The following KIF14 variants were observed in gnomAD, a reference collection of about 807,000 sequenced individuals.
KIF14 encodes the protein kinesin family member 14, also known as kinesin-like protein KIF14.
KIF14 carries 98 observed loss-of-function variants against 176.2 expected under a neutral mutation model. The ratio of observed to expected loss-of-function variants is 0.56; its 90% CI spans 0.47 to 0.66. The LOEUF (loss-of-function observed/expected upper bound fraction) is 0.66, where lower values mean the gene tolerates loss of function less well. Ranked by LOEUF, KIF14 falls within the 30% of genes least tolerant of loss-of-function variation. The pLI, the probability that KIF14 is intolerant of heterozygous loss-of-function variation, is 0.00. For synonymous variants in KIF14, 566 were observed against 632.2 expected, an observed-to-expected ratio of 0.90 and a Z score of 1.57; for missense variants, 1,751 against 1,920.4, an observed-to-expected ratio of 0.91 and a Z score of 1.65.
intron 15 of KIF14, among the ~76,000 whole-genome samples, chr1:200,592,925 AAAAAATACAGT>A (rs1408918282): frequency 6.6e-6 from 1 of 152,224 alleles, no homozygotes; most frequent in Non-Finnish European, 1.5e-5. Flanking sequence ...TCTAAACAGA[AAAAAATACAGT>A]AAAAATACAG....
rs779018340 is a variant in KIF14 at position 200,600,510 on chromosome 1, AT to A, written c.2153-8del. 7 of 1,600,744 alleles carry A rather than the reference AT, an allele frequency of 4.4e-6. No homozygotes were observed. In the Admixed American group the frequency reaches 1.0e-4, roughly 23 times the overall value. On this transcript the variant is annotated splice_polypyrimidine_tract_variant and splice_region_variant and intron_variant, in intron 11 of 29. Transcript: ENST00000367350. ...GCAATTTCTGCCTTCAATTCTGAAG[AT>A]TTATACAAAGATGCATTAATAATAA...
intron 21 of KIF14, among the ~76,000 whole-genome samples, chr1:200,579,872 AG>A (rs1658348739): frequency 6.6e-6 from 1 of 152,132 alleles, no homozygotes; most frequent in African/African-American, 2.4e-5. Flanking sequence ...ATATGCAAAA[AG>A]GTACATTAGG....
intron 25 of KIF14, among the ~76,000 whole-genome samples, chr1:200,561,276 C>T (rs1225356669): frequency 6.7e-6 from 1 of 148,270 alleles, no homozygotes; most frequent in Non-Finnish European, 1.5e-5. Flanking sequence ...CACGGTGGCT[C>T]ATGCCTGTAA....
chr1:200,553,894 A>T, intron 29 of KIF14, 127 bp from the exon 30 acceptor site: 1 of 886,820 alleles, frequency 1.1e-6, no homozygotes, highest in Non-Finnish European at 1.7e-6. Flanking sequence ...CAAACTACTT[A>T]AGATTAGTCA....
chr1:200,561,585 G>T (rs1305580999), intron 25 of KIF14, among the ~76,000 whole-genome samples: 1 of 150,512 alleles, frequency 6.6e-6, no homozygotes, highest in Non-Finnish European at 1.5e-5. Flanking sequence ...AAAAAGAAAA[G>T]AAAAATCATC....
chr1:200,597,304 C>T (rs926604335), intron 14 of KIF14, among the ~76,000 whole-genome samples: 5 of 151,920 alleles, frequency 3.3e-5, no homozygotes, highest in African/African-American at 9.7e-5. Context: ...AGATGTTACA[C>T]GTTAGAAAAA....
At chr1:200,581,559 A>T (rs943132127) in intron 19 of KIF14, among the ~76,000 whole-genome samples, 20 of 152,210 alleles carry the variant, frequency 1.3e-4, no homozygotes, top group African/African-American at 4.8e-4. Flanking sequence ...ACTTTCTAAT[A>T]TCTAGAAAAA....
At chr1:200,560,255 GT>G (rs1472683709) in intron 26 of KIF14, among the ~76,000 whole-genome samples, 4 of 143,888 alleles carry the variant, frequency 2.8e-5, no homozygotes, top group African/African-American at 1.0e-4. Context: ...ATATTTAAAA[GT>G]TTTTTGGTTG....
intron 25 of KIF14, 43 bp from the exon 26 acceptor site, chr1:200,560,923 A>T (rs1273116032): frequency 6.4e-7 from 1 of 1,564,676 alleles, no homozygotes; most frequent in Admixed American, 1.7e-5. Context: ...ACATGAGATT[A>T]TAACAGGTGG....
In KIF14 at chr1:200,580,379, C is replaced by A; in HGVS notation, c.3340G>T (p.Asp1114Tyr). The change falls in exon 21 of 30, where the codon GAT becomes TAT. Residue 1114 changes from aspartate (D) to tyrosine (Y), a missense_variant. Physicochemically the swap from Asp to Tyr is radical, Grantham distance 160. Coordinates refer to ENST00000367350, the MANE Select transcript of KIF14 (RefSeq NM_014875.3). ...LKTYYVFGRHDISDKSSSDTS... is the reference protein window; with the variant it reads ...LKTYYVFGRHYISDKSSSDTS... ...TCAGAACTACTTTTATCTGATATAT[C>A]ATGTCTGAAAGAAAAATAAACAAAA... 1.4e-6 allele frequency: 2 copies of A among 1,468,942 alleles called. No individual in the cohort carries two copies. Among genetic ancestry groups the A allele is most frequent in the South Asian group, 1.5e-5 (1 of 65,194 alleles). 91.0% of individuals were successfully genotyped at this position (1,468,942 alleles called of 1,614,324 possible).
chr1:200,579,769 TAAA>T (rs940383265), intron 21 of KIF14, among the ~76,000 whole-genome samples: 4 of 151,996 alleles, frequency 2.6e-5, no homozygotes, highest in Non-Finnish European at 4.4e-5. Flanking sequence ...AATAAGATAT[TAAA>T]AACTAATATG....
At chr1:200,577,423 G>A (rs1044245692) in intron 21 of KIF14, among the ~76,000 whole-genome samples, 6 of 152,084 alleles carry the variant, frequency 3.9e-5, no homozygotes, top group African/African-American at 1.2e-4. Flanking sequence ...CTCCCAAAGT[G>A]TTGAGATTAA....
intron 19 of KIF14, among the ~76,000 whole-genome samples, chr1:200,582,246 C>T (rs993869033): frequency 6.6e-6 from 1 of 152,070 alleles, no homozygotes; most frequent in African/African-American, 2.4e-5. Context: ...AGGAAGCATG[C>T]ACCTGTAGTC....
intron 1 of KIF14, among the ~76,000 whole-genome samples, chr1:200,619,392 C>T (rs1660573386): frequency 1.3e-5 from 2 of 151,464 alleles, no homozygotes; most frequent in Non-Finnish European, 2.9e-5. Flanking sequence ...CTTGCTCTGT[C>T]ACCAGGCTGG....
intron 8 of KIF14, 90 bp downstream of exon 8, chr1:200,605,193 T>A (rs1428784850): frequency 1.6e-6 from 2 of 1,246,670 alleles, no homozygotes; most frequent in African/African-American, 3.0e-5. Flanking sequence ...GAAAACTGAA[T>A]GAGATCGGGA....
intron 19 of KIF14, among the ~76,000 whole-genome samples, chr1:200,585,327 A>G (rs982544787): frequency 7.2e-5 from 11 of 152,044 alleles, no homozygotes; most frequent in Admixed American, 1.3e-4. Flanking sequence ...TAAAAACATC[A>G]TGTTGTACAT....
In KIF14 at chr1:200,620,399, A is replaced by C. The variant is rs1402784440; in HGVS notation, c.-116+12T>G. 6.6e-6 allele frequency: 1 copy of C among 152,280 alleles called. No homozygotes were observed. The highest frequency in any genetic ancestry group is 1.5e-5 in the Non-Finnish European group (1 of 68,070). 9.4% of individuals were successfully genotyped at this position (152,280 alleles called of 1,614,324 possible). On this transcript the variant is annotated intron_variant, in intron 1 of 29. Coordinates refer to ENST00000367350, the MANE Select transcript of KIF14 (RefSeq NM_014875.3). ...CTGCTAGTCATTACCAGGGGCTATG[A>C]CTAAGAATTACCTCTTAATGCCAAC... is the stretch of plus-strand genomic sequence containing the variant.
Position 200,575,614 on chromosome 1 carries a change from T to C in KIF14, c.3543A>G (p.Pro1181=). Residue 1181 remains proline (P), a synonymous_variant, in exon 22 of 30, where the codon CCA becomes CCG. Coordinates refer to ENST00000367350, the MANE Select transcript of KIF14 (RefSeq NM_014875.3). ...DEWEPDITDA[P]VSSLSRRRSR... The stretch of plus-strand genomic sequence containing the variant: ...ACCTCCTTCTAGAAAGTGAAGAAAC[T>C]GGTGCATCTGTAATGTCGGGTTCCC... 6.3e-7 allele frequency: 1 copy of C among 1,583,162 alleles called. No individual in the cohort carries two copies.
chr1:200,612,000 C>CTTTTTT (rs79821962), intron 4 of KIF14, among the ~76,000 whole-genome samples: 4 of 148,610 alleles, frequency 2.7e-5, no homozygotes, highest in Non-Finnish European at 1.5e-5. Flanking sequence ...AGTCCATGCT[C>CTTTTTT]TTTTTTTTTT....
Sources: allele counts gnomAD v4.1 joint callset (sites outside exome capture counted in the v4.1 genomes callset), GRCh38; gene constraint gnomAD v4.1.1; transcripts MANE v1.5; gene names NCBI Gene and HGNC (gene_info 2026-07-23, HGNC 2026-07-21).